Variants in MATN3 observed in about 807,000 individuals in gnomAD.
MATN3 encodes the protein matrilin 3, also known as matrilin-3.
Under a neutral mutation model 45.3 loss-of-function variants are expected in MATN3, and 48 were observed. That is an observed-to-expected ratio of 1.06 (90% confidence interval 0.84 to 1.35). The LOEUF is 1.35. MATN3 is among the 40% of genes most tolerant of loss of function. The pLI, the probability that MATN3 is intolerant of heterozygous loss-of-function variation, is 0.00. For synonymous variants in MATN3, 217 were observed against 245.9 expected (o/e 0.88, Z 1.10); for missense variants, 599 against 628.0 (o/e 0.95, Z 0.49).
At position 19,995,389 on chromosome 2, in the gene MATN3, G is replaced by T. The variant is rs1033260840; in HGVS notation, c.1295-980C>A. On this transcript the variant is annotated intron_variant, in intron 6 of 7. Transcript: ENST00000407540. The surrounding 1 kb of genome is among the most constrained non-coding windows in gnomAD (Gnocchi z 4.2). ...GATTGCTTGAACCCGGGAGGCAGAG[G>T]TTGCAGTGAGCTGAGATCGCACCAC... Among the ~76,000 whole-genome samples, 1 of 151,966 alleles carries T rather than the reference G, an allele frequency of 6.6e-6. No individual in the cohort carries two copies. Among genetic ancestry groups the T allele is most frequent in the Non-Finnish European group, 1.5e-5 (1 of 68,002 alleles).
chr2:20,004,025 T>G (rs1418376468), intron 2 of MATN3: 1 of 152,222 alleles, frequency 6.6e-6, no homozygotes, highest in Non-Finnish European at 1.5e-5. Context: ...CCTAGTGACC[T>G]CTTTTGAAAG....
intron 3 of MATN3, among the ~76,000 whole-genome samples, chr2:20,002,934 G>T (rs752817629): frequency 6.6e-6 from 1 of 152,136 alleles, no homozygotes; most frequent in East Asian, 1.9e-4. Context: ...TTTCTCCTAC[G>T]ATTTTATTTA....
rs1200637615 is a variant in MATN3 at position 19,994,295 on chromosome 2, A to G, written c.1405+4T>C. 1 of 1,600,086 alleles carries G rather than the reference A, an allele frequency of 6.2e-7. No individual in the cohort carries two copies. The highest frequency in any genetic ancestry group is 8.6e-7 in the Non-Finnish European group (1 of 1,168,276). ...AGAAGGAGAAAACCTTCCAGAAAGGATATGTTTAGTGTTCAGTCTTTGAAG... is the reference window on the plus strand; with the variant it reads ...AGAAGGAGAAAACCTTCCAGAAAGGGTATGTTTAGTGTTCAGTCTTTGAAG... On this transcript the variant is annotated splice_donor_region_variant and intron_variant, in intron 7 of 7. Coordinates refer to ENST00000407540, the MANE Select transcript of MATN3 (RefSeq NM_002381.5).
chr2:20,000,451 T>C lies in MATN3; in HGVS notation c.1158A>G (p.Lys386=), dbSNP rs1471177444. 1 of 1,606,478 alleles carries C rather than the reference T, an allele frequency of 6.2e-7. No homozygotes were observed. Among genetic ancestry groups the C allele is most frequent in the Non-Finnish European group, 8.5e-7 (1 of 1,177,464 alleles). ...TTGAGTGGATCTTACCTGAACATGT[T>C]TTTTTATCTGCATTCAGAGTGTAGC... ...YEGYTLNADK[K]TCSVRDKCAL... Residue 386 remains lysine, a synonymous_variant, in exon 5 of 8, where the codon AAA becomes AAG. Transcript: ENST00000407540.
intron 2 of MATN3, chr2:20,004,321 C>T (rs557747154): frequency 6.6e-6 from 1 of 152,244 alleles, no homozygotes; most frequent in Non-Finnish European, 1.5e-5. Flanking sequence ...TTATAGCCTT[C>T]GAAGCCCAAC....
At chr2:19,998,690 G>A (rs1672925870) in intron 5 of MATN3, among the ~76,000 whole-genome samples, 1 of 152,030 alleles carries the variant, frequency 6.6e-6, no homozygotes, top group African/African-American at 2.4e-5. Flanking sequence ...CCGGGAGGTA[G>A]AGGCTGTATG....
Position 20,012,542 on chromosome 2 carries a change from G to A in MATN3, c.90C>T (p.Pro30=), listed in dbSNP as rs996766896. 1.7e-4 allele frequency: 213 copies of A among 1,226,510 alleles called. No individual in the cohort carries two copies. The African/African-American group carries it at 2.8e-3, about 16-fold the overall frequency. The allele number at this position is 1,226,510 out of a possible 1,614,324, so 76.0% of individuals were successfully genotyped here. A position where few individuals can be genotyped will look rare whatever the true frequency, so the allele number is the denominator to read the frequency against. Residue 30 remains proline (P), a synonymous_variant, in exon 1 of 8, where the codon CCC becomes CCT. Transcript: ENST00000407540. This position sits in a 1 kb window ranked among gnomAD's most constrained non-coding sequence, Gnocchi z 4.3. ...LLLLPSAAPD[P]VARPGFRRLE... The stretch of plus-strand genomic sequence containing the variant: ...GCCTCCGGAAGCCCGGGCGGGCCAC[G>A]GGGTCGGGGGCGGCGGAGGGCAGCA...
chr2:20,000,050 A>G (rs1672955292), intron 5 of MATN3, among the ~76,000 whole-genome samples: 1 of 152,218 alleles, frequency 6.6e-6, no homozygotes. Context: ...ACTACAGAAA[A>G]GTTCCAGGCC....
At chr2:20,009,945 T>G (rs1221661572) in intron 1 of MATN3, among the ~76,000 whole-genome samples, 1 of 151,818 alleles carries the variant, frequency 6.6e-6, no homozygotes, top group Non-Finnish European at 1.5e-5. Context: ...CATACCTCCT[T>G]AAATTGTATA....
chr2:19,998,184 A>C (rs1672916015), intron 5 of MATN3, among the ~76,000 whole-genome samples: 2 of 152,140 alleles, frequency 1.3e-5, no homozygotes, highest in Non-Finnish European at 2.9e-5. Flanking sequence ...TGCCTTTCCA[A>C]CCTTAATATG....
chr2:20,008,570 G>C (rs1470751123), intron 1 of MATN3, among the ~76,000 whole-genome samples: 1 of 152,132 alleles, frequency 6.6e-6, no homozygotes, highest in African/African-American at 2.4e-5. Flanking sequence ...CTGCTGCTTG[G>C]AGGTATTTAA....
Position 19,992,979 on chromosome 2 carries a change from T to C in MATN3, c.*132A>G. Reference sequence around the variant, plus strand: ...GAAGATCTTCATACAATTTATCCAGTAATATTCAAGCATTAATACAGATAA... The same window carrying C: ...GAAGATCTTCATACAATTTATCCAGCAATATTCAAGCATTAATACAGATAA... On this transcript the variant is annotated 3_prime_UTR_variant, in exon 8 of 8. Coordinates refer to ENST00000407540, the MANE Select transcript of MATN3 (RefSeq NM_002381.5). 1.4e-6 allele frequency: 1 copy of C among 709,716 alleles called. No individual in the cohort carries two copies. The allele number at this position is 709,716 out of a possible 1,614,324, so 44.0% of individuals were successfully genotyped here.
At chr2:19,994,222 T>G in intron 7 of MATN3, 77 bp downstream of exon 7, 1 of 809,560 alleles carries the variant, frequency 1.2e-6, no homozygotes. Flanking sequence ...GCCTGTGGAA[T>G]GTCTTAAAGT....
rs1166489873 is a variant in MATN3 at position 20,000,553 on chromosome 2, A to C, written c.1056T>G (p.Cys352Trp). The change falls in exon 5 of 8, where the codon TGT becomes TGG. Residue 352 changes from cysteine (C) to tryptophan (W), a missense_variant. By Grantham distance (215) the Cys-to-Trp change is radical. Coordinates refer to ENST00000407540, the MANE Select transcript of MATN3 (RefSeq NM_002381.5). ...GCTGACACCCATGGGTACCCAAAGC[A>C]CATTTATCTTGAGCTGTGAAACAAA... ...DRKTCSAQDK[C>W]ALGTHGCQHI... 1 of 1,608,130 alleles carries C rather than the reference A, an allele frequency of 6.2e-7. No homozygotes were observed. The highest frequency in any genetic ancestry group is 1.3e-5 in the African/African-American group (1 of 74,738).
intron 2 of MATN3, chr2:20,004,135 A>C (rs1011344412): frequency 1.3e-5 from 2 of 152,210 alleles, no homozygotes; most frequent in Admixed American, 6.5e-5. Context: ...TGCCCTTGGC[A>C]ACAGGACAAG....
At chr2:19,998,776 AT>A (rs200002943) in intron 5 of MATN3, among the ~76,000 whole-genome samples, 412 of 61,862 alleles carry the variant, frequency 6.7e-3, no homozygotes, top group Admixed American at 6.8e-3. Flanking sequence ...AGAAAAAAAA[AT>A]ATATATATAT....
chr2:20,003,275 A>C lies in MATN3; in HGVS notation c.802T>G (p.Cys268Gly). The change falls in exon 3 of 8, where the codon TGT becomes GGT. Residue 268 changes from cysteine to glycine, a missense_variant. Cys to Gly is a radical substitution (Grantham distance 159). Transcript: ENST00000407540. Reference sequence around the variant, plus strand: ...TGGCACTGGTGTGTTCCAAGCACACAGGGGTCCAGCGCTGTGAGAGGAAGT... The same window carrying C: ...TGGCACTGGTGTGTTCCAAGCACACCGGGGTCCAGCGCTGTGAGAGGAAGT... ...FQETFCALDP[C>G]VLGTHQCQHV... The C allele has an allele frequency of 6.2e-7, 1 of 1,613,554 alleles. No individual in the cohort carries two copies. The highest frequency in any genetic ancestry group is 1.1e-5 in the South Asian group (1 of 91,036).
intron 6 of MATN3, among the ~76,000 whole-genome samples, chr2:19,996,789 G>A (rs1229393662): frequency 2.0e-5 from 3 of 152,196 alleles, no homozygotes; most frequent in Non-Finnish European, 4.4e-5. Flanking sequence ...ACTGGTGGTG[G>A]TTGCCCAACA....
chr2:20,000,499 G>T lies in MATN3; in HGVS notation c.1110C>A (p.Ser370=). ...QHICVNDRTG[S]HHCECYEGYT... is the part of the protein sequence containing the mutation. ...AGCCCTCATAGCATTCACAATGATG[G>T]GACCCTGTTCTGTCATTCACACAAA... Residue 370 remains serine (S), a synonymous_variant, in exon 5 of 8, where the codon TCC becomes TCA. Transcript: ENST00000407540. 6.2e-7 allele frequency: 1 copy of T among 1,612,490 alleles called. No homozygotes were observed. The highest frequency in any genetic ancestry group is 8.5e-7 in the Non-Finnish European group (1 of 1,179,174).
Sources: gnomAD v4.1 joint callset for allele counts (sites outside exome capture counted in the v4.1 genomes callset) on GRCh38, gnomAD v4.1.1 for gene constraint, Gnocchi (gnomAD v3.1) non-coding constraint, MANE v1.5 for transcripts, NCBI Gene and HGNC (gene_info 2026-07-23, HGNC 2026-07-21) for gene names.